The following VPS13C variants were observed in gnomAD, a reference collection of about 807,000 sequenced individuals.
VPS13C encodes the protein intermembrane lipid transfer protein VPS13C.
A neutral mutation model predicts 456.8 loss-of-function variants in VPS13C; 358 were observed. The ratio of observed to expected loss-of-function variants is 0.78; its 90% confidence interval spans 0.72 to 0.86. VPS13C has a LOEUF of 0.86. Among genes scored for constraint, VPS13C ranks in the 40% least tolerant of loss-of-function variants. VPS13C has a pLI of 0.00. For missense variants in VPS13C, 4,818 were observed against 4,385.4 expected (o/e 1.10, Z -2.79); for synonymous variants, 1,578 against 1,486.7 (o/e 1.06, Z -1.41).
chr15:61,946,459 A>G, intron 43 of VPS13C, 49 bp from the exon 44 acceptor site: 1 of 1,373,412 alleles, frequency 7.3e-7, no homozygotes, highest in Non-Finnish European at 1.0e-6. Context: ...CCACATGACT[A>G]AGCCAGTGGT....
At chr15:61,864,536 C>T (rs1894407669) in intron 81 of VPS13C, 1 of 889,948 alleles carries the variant, frequency 1.1e-6, no homozygotes. Flanking sequence ...AATATAATGC[C>T]AATATTATTA....
intron 47 of VPS13C, among the ~76,000 whole-genome samples, chr15:61,937,560 C>T (rs1278610853): frequency 6.6e-6 from 1 of 152,150 alleles, no homozygotes; most frequent in Admixed American, 6.5e-5. Context: ...CTGCAAGCTC[C>T]GCCTCCCAGG....
chr15:61,992,557 T>C, intron 16 of VPS13C, among the ~76,000 whole-genome samples: 1 of 152,048 alleles, frequency 6.6e-6, no homozygotes, highest in East Asian at 1.9e-4. Flanking sequence ...AAAGAGAAGA[T>C]AAAAGTAAAG....
chr15:62,059,014 C>A (rs765519340), intron 1 of VPS13C, among the ~76,000 whole-genome samples: 4 of 150,664 alleles, frequency 2.7e-5, no homozygotes, highest in African/African-American at 9.7e-5. Context: ...GTTCCATATA[C>A]GTAATTATAA....
In VPS13C at chr15:61,877,065, A is replaced by G. The variant is rs959559509; in HGVS notation, c.10143-11T>C. On this transcript the variant is annotated splice_polypyrimidine_tract_variant and intron_variant, in intron 74 of 84. Coordinates refer to ENST00000644861, the MANE Select transcript of VPS13C (RefSeq NM_020821.3). ...TCATAATAAGCAAGTCTGGGAGGAG[A>G]AAAAGGAAAGATTCAAAGATACTAA... is the stretch of plus-strand genomic sequence containing the variant. 6.3e-7 allele frequency: 1 copy of G among 1,588,388 alleles called. No homozygotes were observed. Among genetic ancestry groups the G allele is most frequent in the African/African-American group, 1.4e-5 (1 of 73,856 alleles).
rs529255657 is a variant in VPS13C, at chr15:61,917,634, A to T, written c.7762T>A (p.Cys2588Ser). The change falls in exon 60 of 85, where the codon TGT becomes AGT. Residue 2588 changes from cysteine (C) to serine (S), a missense_variant and splice_region_variant. Coordinates refer to ENST00000644861, the MANE Select transcript of VPS13C (RefSeq NM_020821.3). Reference protein sequence around the residue: ...EFHVPLDSYRCQLFIQPAGIL... With the variant: ...EFHVPLDSYRSQLFIQPAGIL... Reference sequence around the variant, plus strand: ...CCAGCTGGCTGGATAAACAATTGACATCTGCAGAAAGAGGAAACAGTGACA... The same window carrying T: ...CCAGCTGGCTGGATAAACAATTGACTTCTGCAGAAAGAGGAAACAGTGACA... The T allele has an allele frequency of 1.3e-5, 21 of 1,608,436 alleles. No homozygotes were observed. The East Asian group carries it at 4.2e-4, about 33-fold the overall frequency.
chr15:61,945,550 T>G (rs986643448), intron 45 of VPS13C, among the ~76,000 whole-genome samples, 165 bp downstream of exon 45: 2 of 152,246 alleles, frequency 1.3e-5, no homozygotes, highest in African/African-American at 4.8e-5. Flanking sequence ...AAAATTCATT[T>G]GGTTAACATC....
intron 76 of VPS13C, 45 bp downstream of exon 76, chr15:61,875,687 T>C: frequency 7.4e-7 from 1 of 1,357,890 alleles, no homozygotes; most frequent in Non-Finnish European, 1.0e-6. Flanking sequence ...AAATAGACCA[T>C]CCATTTTTCT....
At chr15:62,037,310 AAATATATTATATATTATATACATT>A in intron 3 of VPS13C, among the ~76,000 whole-genome samples, 1 of 67,818 alleles carries the variant, frequency 1.5e-5, no homozygotes, top group South Asian at 3.7e-4. Flanking sequence ...ATATATATAT[AAATATATTATATATTATATACATT>A]TATATATAAT....
At chr15:61,947,607 A>C (rs1354134829) in intron 42 of VPS13C, among the ~76,000 whole-genome samples, 1 of 152,162 alleles carries the variant, frequency 6.6e-6, no homozygotes, top group Non-Finnish European at 1.5e-5. Context: ...GAAAAAAGAA[A>C]ACATTCTATA....
rs1370270114 is a variant in VPS13C at position 62,008,686 on chromosome 15, A to T, written c.1087T>A (p.Tyr363Asn). 1 of 1,607,404 alleles carries T rather than the reference A, an allele frequency of 6.2e-7. No homozygotes were observed. The highest frequency in any genetic ancestry group is 1.1e-5 in the South Asian group (1 of 89,698). ...RNAPYRKYKP[Y>N]LPLHTNGRRW... ...CGACCATTGGTATGAAGTGGTAAAT[A>T]AGGCTTGTATTTCCTATAAGGCGCA... Residue 363 changes from tyrosine (Y) to asparagine (N), a missense_variant, in exon 14 of 85, where the codon TAT (tyrosine) becomes AAT (asparagine). Coordinates refer to ENST00000644861, the MANE Select transcript of VPS13C (RefSeq NM_020821.3).
At chr15:61,968,096 CCTTAT>C (rs1266987619) in intron 28 of VPS13C, among the ~76,000 whole-genome samples, 3 of 151,788 alleles carry the variant, frequency 2.0e-5, no homozygotes, top group African/African-American at 7.3e-5. Flanking sequence ...ATAATGTAAA[CCTTAT>C]CTTAACACAG....
Position 61,973,080 on chromosome 15 carries a change from T to C in VPS13C, c.2618-316A>G, listed in dbSNP as rs74019286. Reference sequence around the variant, plus strand: ...ATCAGGCTGTGCCAGCCAGTAAGGATACCAGAATGACCACGATAGACATGG... The same window carrying C: ...ATCAGGCTGTGCCAGCCAGTAAGGACACCAGAATGACCACGATAGACATGG... On this transcript the variant is annotated intron_variant, in intron 26 of 84. Transcript: ENST00000644861. 9.7e-3 allele frequency among the ~76,000 whole-genome samples: 1,475 copies of C among 152,314 alleles called. 30 individuals are homozygous for C. The highest frequency in any genetic ancestry group is 0.034 in the African/African-American group (1,418 of 41,572).
intron 65 of VPS13C, 78 bp from the exon 66 acceptor site, chr15:61,907,468 G>C: frequency 6.5e-7 from 1 of 1,530,330 alleles, no homozygotes; most frequent in South Asian, 1.3e-5. Context: ...CTGAGGAAGG[G>C]ATTAGCACAG....
chr15:61,911,411 A>C (rs542346612), intron 63 of VPS13C, among the ~76,000 whole-genome samples: 9 of 152,342 alleles, frequency 5.9e-5, no homozygotes, highest in African/African-American at 1.7e-4. Flanking sequence ...CTAATTTTCA[A>C]AGAAATTTCC....
intron 5 of VPS13C, among the ~76,000 whole-genome samples, chr15:62,029,097 T>G (rs189544814): frequency 6.6e-6 from 1 of 152,102 alleles, no homozygotes. Context: ...TTACAAGATC[T>G]AGAGCCAGAC....
chr15:61,993,823 T>A (rs986714913), intron 16 of VPS13C, among the ~76,000 whole-genome samples: 1 of 152,156 alleles, frequency 6.6e-6, no homozygotes, highest in African/African-American at 2.4e-5. Context: ...ACACACATCA[T>A]ACCAATGTCA....
chr15:61,977,299 C>T (rs2045733622), intron 23 of VPS13C, 100 bp from the exon 24 acceptor site: 1 of 740,986 alleles, frequency 1.3e-6, no homozygotes, highest in African/African-American at 1.9e-5. Flanking sequence ...AATTGTCAGA[C>T]ATTCTATGGA....
chr15:61,927,647 G>A (rs1405633230), intron 51 of VPS13C, among the ~76,000 whole-genome samples: 2 of 152,054 alleles, frequency 1.3e-5, no homozygotes, highest in African/African-American at 4.8e-5. Flanking sequence ...AATTCCTCAG[G>A]GATCTAGAAC....
Sources: gnomAD v4.1 joint callset for allele counts (sites outside exome capture counted in the v4.1 genomes callset) on GRCh38, gnomAD v4.1.1 for gene constraint, MANE v1.5 for transcripts, NCBI Gene and HGNC (gene_info 2026-07-23, HGNC 2026-07-21) for gene names.